Variants in HS3ST3B1 observed in about 807,000 individuals in gnomAD.
HS3ST3B1 encodes the protein heparan sulfate glucosamine 3-O-sulfotransferase 3B1.
A neutral mutation model predicts 21.3 loss-of-function variants in HS3ST3B1; 13 were observed. The observed-to-expected ratio is 0.61, with a 90% CI of 0.40 to 0.97. HS3ST3B1 has a LOEUF of 0.97. HS3ST3B1 is among the 50% of genes least tolerant of loss of function. The pLI is 0.00. For synonymous variants in HS3ST3B1, 234 were observed against 254.8 expected (o/e 0.92, Z 0.78); for missense variants, 459 against 554.8 (o/e 0.83, Z 1.73).
chr17:14,337,906 T>C (rs1431584610), intron 1 of HS3ST3B1, among the ~76,000 whole-genome samples: 1 of 151,706 alleles, frequency 6.6e-6, no homozygotes, highest in Non-Finnish European at 1.5e-5. Flanking sequence ...GCAGAATACA[T>C]GACTAGATTA....
intron 1 of HS3ST3B1, among the ~76,000 whole-genome samples, chr17:14,319,552 A>AG (rs1170561050): frequency 3.9e-5 from 6 of 152,206 alleles, no homozygotes; most frequent in Non-Finnish European, 5.9e-5. Flanking sequence ...ACTCTGTATC[A>AG]GGCTCTGGGA....
At chr17:14,307,361 T>C (rs1909167238) in intron 1 of HS3ST3B1, among the ~76,000 whole-genome samples, 1 of 151,460 alleles carries the variant, frequency 6.6e-6, no homozygotes. Context: ...CTTGAAACTT[T>C]AAAATGACCT....
intron 1 of HS3ST3B1, among the ~76,000 whole-genome samples, chr17:14,342,965 C>T (rs1340431352): frequency 6.6e-6 from 1 of 152,028 alleles, no homozygotes; most frequent in Middle Eastern, 3.2e-3. Context: ...AATCAATGGC[C>T]GGGAGCAGTG....
intron 1 of HS3ST3B1, among the ~76,000 whole-genome samples, chr17:14,338,420 A>G (rs766290688): frequency 9.9e-5 from 15 of 151,494 alleles, no homozygotes; most frequent in Non-Finnish European, 1.6e-4. Flanking sequence ...CAACACGCCC[A>G]GCCCATATAC....
At chr17:14,302,889 G>A (rs978609077) in intron 1 of HS3ST3B1, among the ~76,000 whole-genome samples, 24 of 152,216 alleles carry the variant, frequency 1.6e-4, no homozygotes, top group African/African-American at 4.8e-4. Flanking sequence ...GCTTTTACAC[G>A]TCCGGAGCAA....
Position 14,302,041 on chromosome 17 carries a change from C to T in HS3ST3B1, c.523C>T (p.Arg175Cys), listed in dbSNP as rs773874080. The change falls in exon 1 of 2, where the codon CGC becomes TGC. Residue 175 changes from arginine to cysteine, a missense_variant. Physicochemically the swap from Arg to Cys is radical, Grantham distance 180 (BLOSUM62 -3). Transcript: ENST00000360954. ...AVGAEPHFFD[R>C]SYDKGLAWYR... ...GGGCGCCGAGCCCCATTTCTTCGAT[C>T]GCAGCTACGACAAGGGCCTCGCTTG... 2 of 1,606,654 alleles carry T rather than the reference C, an allele frequency of 1.2e-6. No homozygotes were observed. Among genetic ancestry groups the T allele is most frequent in the South Asian group, 2.2e-5 (2 of 90,644 alleles).
intron 1 of HS3ST3B1, among the ~76,000 whole-genome samples, chr17:14,302,888 C>T (rs754496990): frequency 3.3e-5 from 5 of 152,206 alleles, no homozygotes; most frequent in Non-Finnish European, 5.9e-5. Flanking sequence ...GGCTTTTACA[C>T]GTCCGGAGCA....
At chr17:14,329,389 A>AGG (rs1471714088) in intron 1 of HS3ST3B1, 1 of 147,384 alleles carries the variant, frequency 6.8e-6, no homozygotes, top group Non-Finnish European at 1.5e-5. Flanking sequence ...GAAGGAAGGA[A>AGG]GGAGAGGAAG....
intron 1 of HS3ST3B1, among the ~76,000 whole-genome samples, chr17:14,340,736 C>G (rs1033897774): frequency 6.6e-6 from 1 of 152,140 alleles, no homozygotes; most frequent in East Asian, 1.9e-4. Flanking sequence ...GCATGTGCCA[C>G]CACGCTCAGC....
At chr17:14,338,042 G>A (rs1910242922) in intron 1 of HS3ST3B1, among the ~76,000 whole-genome samples, 1 of 151,760 alleles carries the variant, frequency 6.6e-6, no homozygotes, top group South Asian at 2.1e-4. Context: ...ATGGGTGTGG[G>A]GAGGGGCCAG....
intron 1 of HS3ST3B1, among the ~76,000 whole-genome samples, chr17:14,314,002 G>A (rs922128597): frequency 8.6e-5 from 13 of 151,924 alleles, no homozygotes; most frequent in African/African-American, 2.9e-4. Context: ...GTTTTGAGAT[G>A]GAGTTTTGCT....
rs1053775103 is a variant in HS3ST3B1 at position 14,347,286 on chromosome 17, G to T, written c.*1640G>T. 3 of 152,204 alleles carry T rather than the reference G, an allele frequency of 2.0e-5. No homozygotes were observed. Among genetic ancestry groups the T allele is most frequent in the African/African-American group, 7.2e-5 (3 of 41,458 alleles). The allele number at this position is 152,204 out of a possible 1,614,324, so 9.4% of individuals were successfully genotyped here. A position where few individuals can be genotyped will look rare whatever the true frequency, so the allele number is the denominator to read the frequency against. ...CAGAATGCTCTCCCCGTGCCTCTCT[G>T]TTGATTTATAACAGTTGGGTAACCA... On this transcript the variant is annotated 3_prime_UTR_variant, in exon 2 of 2. Transcript: ENST00000360954.
intron 1 of HS3ST3B1, among the ~76,000 whole-genome samples, chr17:14,325,786 T>A (rs1412624738): frequency 6.6e-6 from 1 of 152,248 alleles, no homozygotes; most frequent in East Asian, 1.9e-4. Context: ...GCTGGCTCCC[T>A]GACGCCTAAC....
chr17:14,323,958 T>C (rs915460919), intron 1 of HS3ST3B1, among the ~76,000 whole-genome samples: 2 of 152,110 alleles, frequency 1.3e-5, no homozygotes, highest in Non-Finnish European at 2.9e-5. Flanking sequence ...TAAAGGTCTT[T>C]ATTTGATTTT....
chr17:14,344,316 T>C (rs1456018237), intron 1 of HS3ST3B1, among the ~76,000 whole-genome samples: 3 of 152,238 alleles, frequency 2.0e-5, no homozygotes, highest in Non-Finnish European at 4.4e-5. Flanking sequence ...ATGCTGACGT[T>C]TGGGGTACCG....
At chr17:14,340,708 G>T (rs7207809) in intron 1 of HS3ST3B1, among the ~76,000 whole-genome samples, 2 of 151,916 alleles carry the variant, frequency 1.3e-5, no homozygotes, top group Admixed American at 1.3e-4. Flanking sequence ...TCAGCCTCCC[G>T]AGTAGCCAGG....
intron 1 of HS3ST3B1, among the ~76,000 whole-genome samples, chr17:14,338,222 T>G (rs1910249290): frequency 6.6e-6 from 1 of 151,488 alleles, no homozygotes; most frequent in Non-Finnish European, 1.5e-5. Flanking sequence ...ACCTCTCAGG[T>G]TCAAGTGATT....
intron 1 of HS3ST3B1, among the ~76,000 whole-genome samples, chr17:14,306,846 C>T (rs1468392803): frequency 6.6e-6 from 1 of 151,408 alleles, no homozygotes; most frequent in African/African-American, 2.4e-5. Flanking sequence ...AAAAAATCTA[C>T]ATTTGTATGC....
chr17:14,341,608 G>A (rs571815404), intron 1 of HS3ST3B1, among the ~76,000 whole-genome samples: 210 of 151,846 alleles, frequency 1.4e-3, no homozygotes, highest in Non-Finnish European at 2.3e-3. Context: ...GTTCACACAC[G>A]TTAGTAAATG....
Sources: gnomAD v4.1 joint callset for allele counts (sites outside exome capture counted in the v4.1 genomes callset) on GRCh38, gnomAD v4.1.1 for gene constraint, MANE v1.5 for transcripts, NCBI Gene and HGNC (gene_info 2026-07-23, HGNC 2026-07-21) for gene names.